Variants in UCHL3 observed in about 807,000 individuals in gnomAD.
The protein encoded by UCHL3 is ubiquitin carboxyl-terminal hydrolase isozyme L3.
A neutral mutation model predicts 35.8 loss-of-function variants in UCHL3; 22 were observed. The observed-to-expected ratio is 0.61, with a 90% CI of 0.44 to 0.88. The LOEUF is 0.88. Ranked by LOEUF, UCHL3 falls within the 40% of genes least tolerant of loss-of-function variation. The probability of loss-of-function intolerance (pLI) is 0.00; values close to 1 mark genes in which losing one functional copy is unlikely to be tolerated. For synonymous variants in UCHL3, 90 were observed against 92.8 expected, an observed-to-expected ratio of 0.97 and a Z score of 0.17; for missense variants, 229 against 276.9, an observed-to-expected ratio of 0.83 and a Z score of 1.23.
chr13:75,552,267 G>C (rs1385169671), intron 2 of UCHL3, among the ~76,000 whole-genome samples: 1 of 152,134 alleles, frequency 6.6e-6, no homozygotes, highest in East Asian at 1.9e-4. Context: ...ACCAAGAATA[G>C]AAGATGGATA....
intron 5 of UCHL3, among the ~76,000 whole-genome samples, chr13:75,568,582 T>C (rs1483468594): frequency 6.6e-6 from 1 of 151,980 alleles, no homozygotes. Context: ...CCAGTAAGTA[T>C]ATATTTGATA....
In UCHL3 at chr13:75,582,106, G is replaced by T. The variant is rs61398542; in HGVS notation, c.474+12599G>T. On this transcript the variant is annotated intron_variant, in intron 6 of 8. Coordinates refer to ENST00000377595, the MANE Select transcript of UCHL3 (RefSeq NM_006002.5). Reference sequence around the variant, plus strand: ...AGTTATGTGGCTTTGGGCAAGTCAAGTAGGTCCTTGTGCTTCTGAAAAAAC... The same window carrying T: ...AGTTATGTGGCTTTGGGCAAGTCAATTAGGTCCTTGTGCTTCTGAAAAAAC... 1.4e-3 allele frequency among the ~76,000 whole-genome samples: 197 copies of T among 144,986 alleles called. 1 individual carries two copies. Among genetic ancestry groups the T allele is most frequent in the African/African-American group, 4.9e-3 (194 of 39,346 alleles).
chr13:75,589,722 A>T (rs948281059), intron 6 of UCHL3, among the ~76,000 whole-genome samples: 3 of 152,194 alleles, frequency 2.0e-5, no homozygotes, highest in Non-Finnish European at 4.4e-5. Context: ...CAATGTACAC[A>T]TATAGAACTA....
At chr13:75,577,493 G>A (rs547806368) in intron 6 of UCHL3, among the ~76,000 whole-genome samples, 10 of 152,266 alleles carry the variant, frequency 6.6e-5, no homozygotes, top group African/African-American at 2.4e-4. Context: ...GGATTTTGGT[G>A]TCTTCAGGGG....
intron 3 of UCHL3, among the ~76,000 whole-genome samples, chr13:75,563,046 A>G (rs1335504723): frequency 1.3e-5 from 2 of 152,190 alleles, no homozygotes; most frequent in African/African-American, 4.8e-5. Flanking sequence ...TTGAAGTTCC[A>G]ATTTAGAAAT....
chr13:75,557,847 C>T (rs2031344076), intron 2 of UCHL3, among the ~76,000 whole-genome samples: 1 of 151,836 alleles, frequency 6.6e-6, no homozygotes, highest in Non-Finnish European at 1.5e-5. Flanking sequence ...TCACACCACC[C>T]AAGCTAACTG....
At chr13:75,594,170 A>G (rs1423956141) in intron 6 of UCHL3, among the ~76,000 whole-genome samples, 4 of 152,236 alleles carry the variant, frequency 2.6e-5, no homozygotes, top group African/African-American at 9.6e-5. Flanking sequence ...AGAAATGTAG[A>G]TATTGCTCAT....
intron 6 of UCHL3, among the ~76,000 whole-genome samples, chr13:75,592,236 A>G (rs1019950513): frequency 8.6e-5 from 13 of 150,808 alleles, no homozygotes; most frequent in African/African-American, 4.9e-5. Context: ...AGGGATATAT[A>G]TATCAAAACT....
At chr13:75,563,126 T>TG (rs1178887850) in intron 3 of UCHL3, among the ~76,000 whole-genome samples, 2,600 of 36,178 alleles carry the variant, frequency 0.072, 87 homozygotes, top group African/African-American at 0.11. Flanking sequence ...CTCATTATCC[T>TG]TTATGTATGT....
At chr13:75,600,698 T>C (rs1593769057) in intron 7 of UCHL3, among the ~76,000 whole-genome samples, 2 of 152,348 alleles carry the variant, frequency 1.3e-5, no homozygotes, top group African/African-American at 4.8e-5. Flanking sequence ...GATATAGATA[T>C]ATTTACAAAG....
intron 6 of UCHL3, among the ~76,000 whole-genome samples, chr13:75,594,165 T>C (rs2032582880): frequency 6.6e-6 from 1 of 152,216 alleles, no homozygotes; most frequent in South Asian, 2.1e-4. Context: ...GCCTTAGAAA[T>C]GTAGATATTG....
chr13:75,569,356 G>A (rs2031782181), intron 5 of UCHL3, 104 bp from the exon 6 acceptor site: 2 of 806,952 alleles, frequency 2.5e-6, no homozygotes, highest in Non-Finnish European at 3.9e-6. Context: ...TCAATTTGTT[G>A]TTTCTTTAGA....
intron 6 of UCHL3, among the ~76,000 whole-genome samples, chr13:75,574,243 A>G (rs992089204): frequency 3.9e-5 from 6 of 151,932 alleles, no homozygotes; most frequent in African/African-American, 1.2e-4. Context: ...CACTTTTCAG[A>G]GAAGCCTTCT....
intron 6 of UCHL3, among the ~76,000 whole-genome samples, chr13:75,589,647 T>G (rs527296371): frequency 5.3e-5 from 8 of 152,338 alleles, no homozygotes; most frequent in African/African-American, 1.9e-4. Flanking sequence ...GTAATAATTT[T>G]AGTGGCTTTT....
chr13:75,584,203 G>T (rs1436009047), intron 6 of UCHL3, among the ~76,000 whole-genome samples: 1 of 152,062 alleles, frequency 6.6e-6, no homozygotes, highest in African/African-American at 2.4e-5. Context: ...AGGGACAGAG[G>T]CTGATCTACA....
At chr13:75,579,074 A>G (rs1284205291) in intron 6 of UCHL3, among the ~76,000 whole-genome samples, 3 of 152,180 alleles carry the variant, frequency 2.0e-5, no homozygotes, top group Admixed American at 6.5e-5. Flanking sequence ...AAGAGATAAC[A>G]GAAATCATTC....
chr13:75,549,504 T>G, upstream of UCHL3: 1 of 361,488 alleles, frequency 2.8e-6, no homozygotes, highest in Admixed American at 4.6e-5. Context: ...ACGCGAGCGC[T>G]CGGCAAGGCT....
At chr13:75,574,229 AT>A (rs1159644220) in intron 6 of UCHL3, among the ~76,000 whole-genome samples, 3 of 152,142 alleles carry the variant, frequency 2.0e-5, no homozygotes, top group East Asian at 1.9e-4. Context: ...AAAAAAAAAA[AT>A]GTCACTTTTC....
chr13:75,585,352 A>G lies in UCHL3; in HGVS notation c.475-9563A>G, dbSNP rs980125439. Among the ~76,000 whole-genome samples, 4 of 152,238 alleles carry G rather than the reference A, an allele frequency of 2.6e-5. No individual in the cohort carries two copies. In the Middle Eastern group the frequency reaches 9.5e-3, roughly 361 times the overall value. Reference sequence around the variant, plus strand: ...TAGATACTAAGAATTCATAAGAATTACAGCAGACTCCTTACTAGAGGTTAT... The same window carrying G: ...TAGATACTAAGAATTCATAAGAATTGCAGCAGACTCCTTACTAGAGGTTAT... On this transcript the variant is annotated intron_variant, in intron 6 of 8. Transcript: ENST00000377595.
Sources: gnomAD v4.1 joint callset for allele counts (sites outside exome capture counted in the v4.1 genomes callset) on GRCh38, gnomAD v4.1.1 for gene constraint, MANE v1.5 for transcripts, NCBI Gene and HGNC (gene_info 2026-07-23, HGNC 2026-07-21) for gene names.